The following MTA1 variants were observed in gnomAD, a reference collection of about 807,000 sequenced individuals.
MTA1 encodes the protein metastasis associated 1, also known as metastasis-associated protein MTA1.
In MTA1, 15 loss-of-function variants were observed where a neutral mutation model predicts 97.0. That is an observed-to-expected ratio of 0.15 (90% CI 0.10 to 0.24). The LOEUF (loss-of-function observed/expected upper bound fraction) is 0.24. MTA1 is among the 10% of genes least tolerant of loss of function. MTA1 has a pLI of 1.00. For missense variants in MTA1, 709 were observed against 1,015.1 expected (o/e 0.70, Z 4.10); for synonymous variants, 435 against 417.5 (o/e 1.04, Z -0.51).
intron 7 of MTA1, among the ~76,000 whole-genome samples, chr14:105,457,696 C>T (rs1336492330): frequency 2.0e-5 from 3 of 152,206 alleles, no homozygotes; most frequent in Non-Finnish European, 2.9e-5. Context: ...GAGGCTAAGG[C>T]GGATGGATCA....
rs587773443 is a variant in MTA1 at position 105,454,151 on chromosome 14, T to C, written c.433-42T>C. 102 of 1,501,102 alleles carry C rather than the reference T, an allele frequency of 6.8e-5. 2 individuals are homozygous for C. In the South Asian group the frequency reaches 1.0e-3, roughly 15 times the overall value. The allele number at this position is 1,501,102 out of a possible 1,614,324, so 93.0% of individuals were successfully genotyped here. A position where few individuals can be genotyped will look rare whatever the true frequency, so the allele number is the denominator to read the frequency against. The stretch of plus-strand genomic sequence containing the variant: ...CGCCTCTCTGACCCTCCCAGCAGCC[T>C]GACTGTGCTGACGCCTCTCTGTCTC... On this transcript the variant is annotated intron_variant, in intron 6 of 20. Coordinates refer to ENST00000331320, the MANE Select transcript of MTA1 (RefSeq NM_004689.4).
intron 1 of MTA1, among the ~76,000 whole-genome samples, chr14:105,430,091 A>C (rs1474489770): frequency 3.3e-5 from 5 of 152,152 alleles, no homozygotes; most frequent in Non-Finnish European, 7.3e-5. Context: ...TTTCCTCTGC[A>C]TTCACAACTG....
rs1034813567 is a variant in MTA1, at chr14:105,464,702, G to A, written c.1373G>A (p.Ser458Asn). 1.8e-5 allele frequency: 29 copies of A among 1,606,100 alleles called. No homozygotes were observed. The highest frequency in any genetic ancestry group is 2.2e-5 in the Non-Finnish European group (26 of 1,175,120). ...CCCCACGGCCTCCCAGCCCGGAGCA[G>A]CGGGAGCCCCAAGTTTGCCATGAAG... ...MSPHGLPARS[S>N]GSPKFAMKTR... Residue 458 changes from serine to asparagine, a missense_variant, in exon 15 of 21, where the codon AGC becomes AAC. Ser to Asn is a conservative substitution (Grantham distance 46). This residue lies in a region of MTA1 where 388 missense variants were observed against 421.6 expected (regional missense o/e 0.92). Transcript: ENST00000331320.
chr14:105,448,951 C>T (rs7161158), intron 3 of MTA1: 159,536 of 163,910 alleles, frequency 0.97, 77,780 homozygotes, highest in Non-Finnish European at 1. Context: ...CACCACTGCA[C>T]GCCCCCATTT....
intron 1 of MTA1, among the ~76,000 whole-genome samples, chr14:105,435,687 A>G (rs2082305906): frequency 6.6e-6 from 1 of 152,230 alleles, no homozygotes; most frequent in Non-Finnish European, 1.5e-5. Flanking sequence ...CAATGAAGCC[A>G]TCTGGGCGCA....
chr14:105,441,533 G>A (rs1163304923), intron 2 of MTA1, among the ~76,000 whole-genome samples: 12 of 152,218 alleles, frequency 7.9e-5, no homozygotes, highest in African/African-American at 1.7e-4. Flanking sequence ...AGGGGCTCAC[G>A]CCTGGAATCC....
chr14:105,447,776 C>G (rs2082767699), intron 3 of MTA1, among the ~76,000 whole-genome samples: 1 of 152,254 alleles, frequency 6.6e-6, no homozygotes, highest in Non-Finnish European at 1.5e-5. Context: ...CGCGGCCCCA[C>G]TCTTGCCTGG....
chr14:105,455,616 A>G (rs587725981), intron 7 of MTA1, among the ~76,000 whole-genome samples: 15 of 152,296 alleles, frequency 9.8e-5, no homozygotes, highest in East Asian at 5.8e-4. Context: ...CCTAGGCCCC[A>G]GCGATCCTCA....
At position 105,432,316 on chromosome 14, in the gene MTA1, C is replaced by G. The variant is rs782580791; in HGVS notation, c.29-6356C>G. Among the ~76,000 whole-genome samples, 6 of 152,300 alleles carry G rather than the reference C, an allele frequency of 3.9e-5. No homozygotes were observed. In the Middle Eastern group the frequency reaches 0.014, roughly 345 times the overall value. Reference sequence around the variant, plus strand: ...AGTGCAGTGGCGTGATCTCGGCTCACCGCAACCTCTGCCTCCTGGGTTCAA... The same window carrying G: ...AGTGCAGTGGCGTGATCTCGGCTCAGCGCAACCTCTGCCTCCTGGGTTCAA... On this transcript the variant is annotated intron_variant, in intron 1 of 20. Coordinates refer to ENST00000331320, the MANE Select transcript of MTA1 (RefSeq NM_004689.4).
rs368720506 is a variant in MTA1 at position 105,460,272 on chromosome 14, G to C, written c.654-86G>C. On this transcript the variant is annotated intron_variant, in intron 8 of 20. Coordinates refer to ENST00000331320, the MANE Select transcript of MTA1 (RefSeq NM_004689.4). ...GGGGGAGTCCGTGCTGCCCGTGGCCGCTGGTCCCTGGCGCCTGGGGAGCGG... is the reference window on the plus strand; with the variant it reads ...GGGGGAGTCCGTGCTGCCCGTGGCCCCTGGTCCCTGGCGCCTGGGGAGCGG... 762 of 1,094,746 alleles carry C rather than the reference G, an allele frequency of 7.0e-4. 11 individuals are homozygous for C. The highest frequency in any genetic ancestry group is 5.7e-3 in the South Asian group (305 of 53,660). 67.8% of individuals were successfully genotyped at this position (1,094,746 alleles called of 1,614,324 possible).
chr14:105,441,654 C>A (rs182988899), intron 2 of MTA1, among the ~76,000 whole-genome samples: 5 of 152,086 alleles, frequency 3.3e-5, no homozygotes, highest in South Asian at 2.1e-4. Context: ...ATTAGCCGGG[C>A]GTGGTGGCGG....
rs587676296 is a variant in MTA1 at position 105,431,542 on chromosome 14, T to TA, written c.29-7127dup. Among the ~76,000 whole-genome samples the TA allele has an allele frequency of 3.2e-3, 484 of 152,394 alleles. 5 individuals are homozygous for TA. The highest frequency in any genetic ancestry group is 0.011 in the African/African-American group (448 of 41,596). ...GGTTGGACAAATTTACAAGGGTTGT[T>TA]AAACATACAAAGTGCCAAAAGCCTA... On this transcript the variant is annotated intron_variant, in intron 1 of 20. Transcript: ENST00000331320.
At chr14:105,454,799 G>T (rs587716407) in intron 7 of MTA1, 7 of 156,616 alleles carry the variant, frequency 4.5e-5, no homozygotes, top group Non-Finnish European at 8.5e-5. Context: ...TAGAGACGGG[G>T]TTTCACCGTG....
At position 105,454,222 on chromosome 14, in the gene MTA1, C is replaced by T. The variant is rs781982257; in HGVS notation, c.462C>T (p.Asp154=). The T allele has an allele frequency of 6.2e-6, 10 of 1,613,450 alleles. No homozygotes were observed. The highest frequency in any genetic ancestry group is 3.3e-5 in the South Asian group (3 of 91,068). The stretch of plus-strand genomic sequence containing the variant: ...TCTTCTTCTATTCTCTAGTCTACGA[C>T]CCACAGCAGAAGACCCTGCTGGCAG... ...EDFFFYSLVY[D]PQQKTLLADK... The change falls in exon 7 of 21, where the codon GAC becomes GAT. Residue 154 remains aspartate, a synonymous_variant. Coordinates refer to ENST00000331320, the MANE Select transcript of MTA1 (RefSeq NM_004689.4).
Position 105,463,237 on chromosome 14 carries a change from C to T in MTA1, c.996C>T (p.Thr332=), listed in dbSNP as rs782457272. 39 of 1,610,894 alleles carry T rather than the reference C, an allele frequency of 2.4e-5. No homozygotes were observed. The Admixed American group carries it at 2.7e-4, about 11-fold the overall frequency. ...TTGAGTACTACTACATGTGGAAGAC[C>T]ACCGACAGATACGTGCAGCAGGTGA... The part of the protein sequence containing the change: ...SIIEYYYMWK[T]TDRYVQQKRL... The change falls in exon 11 of 21, where the codon ACC becomes ACT. Residue 332 remains threonine, a synonymous_variant. Transcript: ENST00000331320. The surrounding 1 kb of genome is among the most constrained non-coding windows in gnomAD (Gnocchi z 5.9).
At chr14:105,443,325 G>A (rs181022033) in intron 2 of MTA1, among the ~76,000 whole-genome samples, 6 of 152,238 alleles carry the variant, frequency 3.9e-5, no homozygotes, top group East Asian at 1.9e-4. Context: ...CCCGGCTCCC[G>A]GCAGGCTGTG....
chr14:105,438,862 C>A, intron 2 of MTA1, 123 bp downstream of exon 2: 1 of 903,518 alleles, frequency 1.1e-6, no homozygotes. Flanking sequence ...GGCCACTGCA[C>A]AGGCCCTTCA....
intron 4 of MTA1, 147 bp from the exon 5 acceptor site, chr14:105,449,911 C>A: frequency 8.5e-7 from 1 of 1,180,572 alleles, no homozygotes; most frequent in Non-Finnish European, 1.2e-6. Context: ...TAGGGTGGGG[C>A]AGTGGGACAG....
chr14:105,450,437 C>A, intron 6 of MTA1, 113 bp downstream of exon 6: 2 of 1,218,608 alleles, frequency 1.6e-6, no homozygotes, highest in Non-Finnish European at 2.3e-6. Flanking sequence ...TCCCTCTAGG[C>A]CCAGGCTGTT....
Sources: allele counts gnomAD v4.1 joint callset (sites outside exome capture counted in the v4.1 genomes callset), GRCh38; gene constraint gnomAD v4.1.1; regional missense constraint gnomAD v4.1.1; non-coding constraint Gnocchi (gnomAD v3.1); transcripts MANE v1.5; gene names NCBI Gene and HGNC (gene_info 2026-07-23, HGNC 2026-07-21).